IWS1: variants seen among roughly 807,000 people sequenced by gnomAD.
IWS1 encodes interacts with SUPT6H, CTD assembly factor 1.
In IWS1, 27 loss-of-function variants were observed where a neutral mutation model predicts 86.7. That is an observed-to-expected ratio of 0.31 (90% CI 0.23 to 0.43). The LOEUF (loss-of-function observed/expected upper bound fraction) is 0.43, where lower values mean the gene tolerates loss of function less well. Ranked by LOEUF, IWS1 falls within the 20% of genes least tolerant of loss-of-function variation. IWS1 has a pLI of 1.00. For synonymous variants in IWS1, 313 were observed against 335.1 expected, an observed-to-expected ratio of 0.93 and a Z score of 0.72; for missense variants, 827 against 1,000.8, an observed-to-expected ratio of 0.83 and a Z score of 2.34.
chr2:127,516,784 G>A (rs1256572098), intron 2 of IWS1, among the ~76,000 whole-genome samples: 4 of 152,094 alleles, frequency 2.6e-5, no homozygotes. Context: ...GGCAACAGAA[G>A]AGACCTTTTT....
rs1296370961 is a variant in IWS1 at position 127,499,129 on chromosome 2, C to T, written c.1468-892G>A. Among the ~76,000 whole-genome samples, 3 of 143,324 alleles carry T rather than the reference C, an allele frequency of 2.1e-5. No homozygotes were observed. The highest frequency in any genetic ancestry group is 7.2e-5 in the Admixed American group (1 of 13,928). The allele number at this position is 143,324 out of a possible 152,430, so 94.0% of individuals were successfully genotyped here. A position where few individuals can be genotyped will look rare whatever the true frequency, so the allele number is the denominator to read the frequency against. ...TTTTTGAGACGGAGTCTCACTGTGT[C>T]GCCCAGGCCAGAGTGCAGTGGCGTG... On this transcript the variant is annotated intron_variant, in intron 5 of 13. Coordinates refer to ENST00000295321, the MANE Select transcript of IWS1 (RefSeq NM_017969.3). The surrounding 1 kb of genome is among the most constrained non-coding windows in gnomAD (Gnocchi z 4.0).
intron 1 of IWS1, among the ~76,000 whole-genome samples, chr2:127,524,706 C>T (rs1692297637): frequency 6.7e-6 from 1 of 150,246 alleles, no homozygotes. Flanking sequence ...CCACGCCTGG[C>T]TAATTTTTTG....
Position 127,494,964 on chromosome 2 carries a change from A to G in IWS1, c.1717-10T>C, listed in dbSNP as rs1199891166. ...TCAACTGTCTGTCTTCCTATTCAGAAAAAAAATAAAGATTTTTTTTTAAAA... is the reference window on the plus strand; with the variant it reads ...TCAACTGTCTGTCTTCCTATTCAGAGAAAAAATAAAGATTTTTTTTTAAAA... On this transcript the variant is annotated splice_polypyrimidine_tract_variant and intron_variant, in intron 7 of 13. Transcript: ENST00000295321. The G allele has an allele frequency of 6.5e-7, 1 of 1,539,238 alleles. No individual in the cohort carries two copies.
rs183226273 is a variant in IWS1, at chr2:127,509,368, T to C, written c.151-3616A>G. Among the ~76,000 whole-genome samples, 85 of 152,184 alleles carry C rather than the reference T, an allele frequency of 5.6e-4. 1 individual carries two copies. Among genetic ancestry groups the C allele is most frequent in the African/African-American group, 2.0e-3 (82 of 41,522 alleles). ...AATGTAACACATTTCCTAGTTGTAA[T>C]GGTAAAAGAAATTGAGCACTCAGAA... On this transcript the variant is annotated intron_variant, in intron 2 of 13. Transcript: ENST00000295321.
chr2:127,507,153 T>C (rs114358254), intron 2 of IWS1, among the ~76,000 whole-genome samples: 3,951 of 152,240 alleles, frequency 0.026, 84 homozygotes, highest in South Asian at 0.069. Context: ...TATGAAACAG[T>C]TAAGTGACAA....
intron 7 of IWS1, 78 bp downstream of exon 7, chr2:127,495,920 G>A (rs1690486441): frequency 2.4e-6 from 3 of 1,262,740 alleles, no homozygotes; most frequent in African/African-American, 1.5e-5. Flanking sequence ...GTAGTTTAAG[G>A]GTTAAGTATC....
intron 5 of IWS1, 176 bp downstream of exon 5, chr2:127,502,634 CTTTTA>C (rs1306333786): frequency 5.1e-6 from 2 of 393,808 alleles, no homozygotes; most frequent in Non-Finnish European, 9.1e-6. Flanking sequence ...CATTAGCTTC[CTTTTA>C]TGTCTTTGTA....
At chr2:127,482,210 C>T (rs1457150143) in intron 13 of IWS1, 2 of 152,182 alleles carry the variant, frequency 1.3e-5, no homozygotes, top group Non-Finnish European at 2.9e-5. Flanking sequence ...GCCTGGGAGA[C>T]ACTCTGGGGT....
chr2:127,514,329 C>T (rs1691648755), intron 2 of IWS1: 1 of 154,452 alleles, frequency 6.5e-6, no homozygotes, highest in South Asian at 2.0e-4. Flanking sequence ...GCACTTGGGA[C>T]CCGCCAAACG....
intron 13 of IWS1, 54 bp from the exon 14 acceptor site, chr2:127,481,229 T>A: frequency 6.6e-7 from 1 of 1,521,072 alleles, no homozygotes; most frequent in Non-Finnish European, 8.8e-7. Context: ...TAAGTCTAGT[T>A]ATGTCTTTCA....
chr2:127,513,226 G>C (rs979718185), intron 2 of IWS1, among the ~76,000 whole-genome samples: 2 of 152,032 alleles, frequency 1.3e-5, no homozygotes, highest in Non-Finnish European at 2.9e-5. Flanking sequence ...GGGTGACAGA[G>C]TGAGACTGTG....
At chr2:127,498,055 C>A in intron 6 of IWS1, 85 bp downstream of exon 6, 1 of 1,086,366 alleles carries the variant, frequency 9.2e-7, no homozygotes, top group Non-Finnish European at 1.4e-6. Flanking sequence ...AATCAGGAAC[C>A]AAAATGAAAA....
chr2:127,491,173 A>T (rs1241050905), intron 10 of IWS1, among the ~76,000 whole-genome samples: 1 of 152,250 alleles, frequency 6.6e-6, no homozygotes, highest in East Asian at 1.9e-4. Context: ...TGTGCAAGTA[A>T]CAACAACAAT....
intron 10 of IWS1, among the ~76,000 whole-genome samples, 179 bp from the exon 11 acceptor site, chr2:127,490,122 ACT>A (rs1472835623): frequency 2.0e-5 from 3 of 152,222 alleles, no homozygotes; most frequent in African/African-American, 7.2e-5. Context: ...GTACTGACTG[ACT>A]CTGGCTGATT....
At chr2:127,502,757 C>T in intron 5 of IWS1, 58 bp downstream of exon 5, 1 of 860,956 alleles carries the variant, frequency 1.2e-6, no homozygotes, top group East Asian at 2.4e-5. Flanking sequence ...GTATCACTGC[C>T]ATAAAAACAC....
intron 5 of IWS1, among the ~76,000 whole-genome samples, chr2:127,498,452 T>C (rs757111211): frequency 5.9e-5 from 9 of 152,256 alleles, no homozygotes; most frequent in Non-Finnish European, 1.3e-4. Flanking sequence ...CTTCTACACA[T>C]ACTTCATATC....
chr2:127,524,357 T>G (rs1692268710), intron 1 of IWS1, among the ~76,000 whole-genome samples: 1 of 152,158 alleles, frequency 6.6e-6, no homozygotes, highest in Non-Finnish European at 1.5e-5. Flanking sequence ...TTACCTAACT[T>G]TCTTTTATAT....
rs1020391998 is a variant in IWS1, at chr2:127,496,224, C to T, written c.1566-76G>A. 9.0e-6 allele frequency: 13 copies of T among 1,439,092 alleles called. No homozygotes were observed. In the African/African-American group the frequency reaches 1.7e-4, roughly 19 times the overall value. The allele number at this position is 1,439,092 out of a possible 1,614,324, so 89.1% of individuals were successfully genotyped here. Reference sequence around the variant, plus strand: ...CATTTACTTTCACAACAATTAAGAACACCAAATTTCTTAATTCTAACTCAA... The same window carrying T: ...CATTTACTTTCACAACAATTAAGAATACCAAATTTCTTAATTCTAACTCAA... On this transcript the variant is annotated intron_variant, in intron 6 of 13. Transcript: ENST00000295321.
Position 127,505,884 on chromosome 2 carries a change from T to A in IWS1, c.151-132A>T. ...GCACCTAAATGGAGAATTCTTGTCC[T>A]ATACCCATATAGAAACACCCCCACA... On this transcript the variant is annotated intron_variant, in intron 2 of 13. Coordinates refer to ENST00000295321, the MANE Select transcript of IWS1 (RefSeq NM_017969.3). This position sits in a 1 kb window ranked among gnomAD's most constrained non-coding sequence, Gnocchi z 5.0. 1 of 603,132 alleles carries A rather than the reference T, an allele frequency of 1.7e-6. No individual in the cohort carries two copies. Among genetic ancestry groups the A allele is most frequent in the Admixed American group, 3.5e-5 (1 of 28,572 alleles). The allele number at this position is 603,132 out of a possible 1,614,324, so 37.4% of individuals were successfully genotyped here. A position where few individuals can be genotyped will look rare whatever the true frequency, so the allele number is the denominator to read the frequency against.
Sources: allele counts gnomAD v4.1 joint callset (sites outside exome capture counted in the v4.1 genomes callset), GRCh38; gene constraint gnomAD v4.1.1; non-coding constraint Gnocchi (gnomAD v3.1); transcripts MANE v1.5; gene names NCBI Gene and HGNC (gene_info 2026-07-23, HGNC 2026-07-21).